SLC2A12: variants seen among roughly 807,000 people sequenced by gnomAD.
SLC2A12 encodes the protein solute carrier family 2 member 12, also known as solute carrier family 2, facilitated glucose transporter member 12.
In SLC2A12, 23 loss-of-function variants were observed where a neutral mutation model predicts 41.8. The observed-to-expected ratio is 0.55, with a 90% CI of 0.40 to 0.78. The LOEUF is 0.78. Among genes scored for constraint, SLC2A12 ranks in the 30% least tolerant of loss-of-function variants. The pLI is 0.00. For synonymous variants in SLC2A12, 295 were observed against 285.9 expected (o/e 1.03, Z -0.32); for missense variants, 654 against 745.6 (o/e 0.88, Z 1.43).
Position 133,988,673 on chromosome 6 carries a change from A to G in SLC2A12, c.*2482T>C, listed in dbSNP as rs558967374. The G allele has an allele frequency of 6.6e-6, 1 of 151,162 alleles. No homozygotes were observed. The highest frequency in any genetic ancestry group is 1.5e-5 in the Non-Finnish European group (1 of 67,734). The allele number at this position is 151,162 out of a possible 1,614,324, so 9.4% of individuals were successfully genotyped here. Reference sequence around the variant, plus strand: ...AAGTGGAAAGCAAAGGCTAACTTACATTTTTCCTTCTTGTGAAATATTTCA... The same window carrying G: ...AAGTGGAAAGCAAAGGCTAACTTACGTTTTTCCTTCTTGTGAAATATTTCA... On this transcript the variant is annotated 3_prime_UTR_variant, in exon 5 of 5. Coordinates refer to ENST00000275230, the MANE Select transcript of SLC2A12 (RefSeq NM_145176.3).
chr6:133,992,504 T>G (rs1776637307), intron 4 of SLC2A12, among the ~76,000 whole-genome samples: 1 of 152,132 alleles, frequency 6.6e-6, no homozygotes, highest in Non-Finnish European at 1.5e-5. Flanking sequence ...CTACTTGAGA[T>G]GTATGTTCAT....
intron 1 of SLC2A12, among the ~76,000 whole-genome samples, chr6:134,044,107 C>T (rs538653551): frequency 5.3e-5 from 8 of 152,240 alleles, no homozygotes; most frequent in South Asian, 2.1e-4. Flanking sequence ...TACACGTGCT[C>T]GGCTCAACTT....
intron 1 of SLC2A12, among the ~76,000 whole-genome samples, chr6:134,033,143 G>C (rs1264815844): frequency 6.6e-6 from 1 of 151,980 alleles, no homozygotes; most frequent in East Asian, 1.9e-4. Flanking sequence ...ATTTGGGTAA[G>C]TACAGAGGGG....
chr6:134,019,387 T>C (rs1400968562), intron 2 of SLC2A12, among the ~76,000 whole-genome samples: 1 of 152,234 alleles, frequency 6.6e-6, no homozygotes, highest in Non-Finnish European at 1.5e-5. Context: ...TTGTTCTGTG[T>C]CTTCACAATG....
At chr6:134,036,449 G>A (rs1055364248) in intron 1 of SLC2A12, among the ~76,000 whole-genome samples, 7 of 152,292 alleles carry the variant, frequency 4.6e-5, no homozygotes, top group Admixed American at 4.6e-4. Context: ...CGGCTCGTGT[G>A]TGCCCACTAT....
chr6:133,987,601 T>TGTC lies in SLC2A12; in HGVS notation c.*3553_*3554insGAC, dbSNP rs1776551383. On this transcript the variant is annotated 3_prime_UTR_variant, in exon 5 of 5. Transcript: ENST00000275230. ...AGCTTAAGACTTTGGCTAAAGTGTG[T>TGTC]TGGCTTCTTTTTGAAGTGTATTTTG... The TGTC allele has an allele frequency of 6.6e-6, 1 of 151,240 alleles. No homozygotes were observed. Among genetic ancestry groups the TGTC allele is most frequent in the Non-Finnish European group, 1.5e-5 (1 of 67,748 alleles). 9.4% of individuals were successfully genotyped at this position (151,240 alleles called of 1,614,324 possible).
intron 2 of SLC2A12, among the ~76,000 whole-genome samples, chr6:134,014,795 G>A (rs561334469): frequency 2.6e-5 from 4 of 152,300 alleles, no homozygotes; most frequent in African/African-American, 7.2e-5. Flanking sequence ...AAACACTGAC[G>A]TATTATGTGA....
At chr6:134,035,138 G>A (rs867509223) in intron 1 of SLC2A12, among the ~76,000 whole-genome samples, 14 of 128,062 alleles carry the variant, frequency 1.1e-4, no homozygotes, top group Admixed American at 4.8e-4. Flanking sequence ...AGGAAAGGCC[G>A]CTGGCTGCCT....
intron 2 of SLC2A12, among the ~76,000 whole-genome samples, chr6:134,016,424 A>T (rs568448165): frequency 6.6e-6 from 1 of 152,042 alleles, no homozygotes; most frequent in South Asian, 2.1e-4. Context: ...TGCAGGTGTC[A>T]TCTGGCCCCC....
chr6:134,014,095 G>C (rs760461522), intron 2 of SLC2A12, among the ~76,000 whole-genome samples: 1 of 152,144 alleles, frequency 6.6e-6, no homozygotes, highest in South Asian at 2.1e-4. Context: ...TTGGCACCAG[G>C]GACTGGTTTT....
In SLC2A12 at chr6:134,006,839, TGAG is replaced by T; in HGVS notation, c.1537_1539del (p.Leu513del). 1.2e-6 allele frequency: 2 copies of T among 1,614,080 alleles called. No homozygotes were observed. The highest frequency in any genetic ancestry group is 1.3e-5 in the African/African-American group (1 of 75,010). ...GTTACAGTCAAAAATGTCAGCGAGA[TGAG>T]GAGATTGATGCCCCAGTTCATGCTA... On this transcript the variant is annotated inframe_deletion, in exon 3 of 5. Transcript: ENST00000275230.
chr6:134,034,778 A>G (rs1290600296), intron 1 of SLC2A12, among the ~76,000 whole-genome samples: 1 of 152,234 alleles, frequency 6.6e-6, no homozygotes, highest in Non-Finnish European at 1.5e-5. Context: ...GGTGAAGGAC[A>G]GAGTAAGATG....
intron 1 of SLC2A12, among the ~76,000 whole-genome samples, chr6:134,048,735 G>C (rs1352027115): frequency 6.6e-6 from 1 of 152,066 alleles, no homozygotes; most frequent in Non-Finnish European, 1.5e-5. Context: ...TTAATATATA[G>C]AAAGTGTGGA....
intron 1 of SLC2A12, among the ~76,000 whole-genome samples, chr6:134,048,051 G>T (rs938303050): frequency 1.3e-5 from 2 of 152,340 alleles, no homozygotes; most frequent in Admixed American, 6.5e-5. Flanking sequence ...CCCAGAGTTT[G>T]CAGAGAAACA....
chr6:134,046,810 T>A (rs1010262153), intron 1 of SLC2A12, among the ~76,000 whole-genome samples: 5 of 152,062 alleles, frequency 3.3e-5, no homozygotes, highest in Admixed American at 1.3e-4. Context: ...CTTACATTTT[T>A]AAAAAGAATG....
chr6:134,046,105 T>C (rs1777451675), intron 1 of SLC2A12, among the ~76,000 whole-genome samples: 1 of 152,220 alleles, frequency 6.6e-6, no homozygotes, highest in South Asian at 2.1e-4. Flanking sequence ...TTTGCACATC[T>C]GAAGCTGAGC....
intron 4 of SLC2A12, among the ~76,000 whole-genome samples, chr6:133,992,741 G>A (rs1485578011): frequency 6.6e-6 from 1 of 152,158 alleles, no homozygotes; most frequent in East Asian, 1.9e-4. Flanking sequence ...GGGAGAGCAT[G>A]GGCCTCCAGG....
intron 1 of SLC2A12, among the ~76,000 whole-genome samples, chr6:134,049,457 G>A (rs2114519016): frequency 6.6e-6 from 1 of 152,288 alleles, no homozygotes; most frequent in Non-Finnish European, 1.5e-5. Flanking sequence ...AGGCCACCAG[G>A]GTCAGTTCTG....
rs1776556226 is a variant in SLC2A12, at chr6:133,987,650, A to ATG, written c.*3504_*3505insCA. The stretch of plus-strand genomic sequence containing the variant: ...TGTGTGTGTGTGTGTGTGTGTGTGT[A>ATG]TATATATATATATATATGCACCACA... On this transcript the variant is annotated 3_prime_UTR_variant, in exon 5 of 5. Coordinates refer to ENST00000275230, the MANE Select transcript of SLC2A12 (RefSeq NM_145176.3). The ATG allele has an allele frequency of 1.5e-5, 2 of 133,094 alleles. No homozygotes were observed. Among genetic ancestry groups the ATG allele is most frequent in the African/African-American group, 2.8e-5 (1 of 35,124 alleles). The allele number at this position is 133,094 out of a possible 1,614,324, so 8.2% of individuals were successfully genotyped here.
Sources: gnomAD v4.1 joint callset for allele counts (sites outside exome capture counted in the v4.1 genomes callset) on GRCh38, gnomAD v4.1.1 for gene constraint, MANE v1.5 for transcripts, NCBI Gene and HGNC (gene_info 2026-07-23, HGNC 2026-07-21) for gene names.